ITPR1: variants seen among roughly 807,000 people sequenced by gnomAD.
ITPR1 encodes the protein inositol 1,4,5-trisphosphate-gated calcium channel ITPR1.
In ITPR1, 96 loss-of-function variants were observed where a neutral mutation model predicts 318.4. That is an observed-to-expected ratio of 0.30 (90% CI 0.26 to 0.36). The LOEUF is 0.36. ITPR1 is among the 10% of genes least tolerant of loss of function. The pLI, the probability that ITPR1 is intolerant of heterozygous loss-of-function variation, is 1.00. For synonymous variants in ITPR1, 1,312 were observed against 1,289.9 expected, an observed-to-expected ratio of 1.02 and a Z score of -0.37; for missense variants, 2,440 against 3,460.2, an observed-to-expected ratio of 0.71 and a Z score of 7.40.
At chr3:4,602,503 G>A (rs1161341321) in intron 4 of ITPR1, among the ~76,000 whole-genome samples, 1 of 142,018 alleles carries the variant, frequency 7.0e-6, no homozygotes, top group African/African-American at 2.7e-5. Context: ...ACTCTAGCCT[G>A]GGTAATGGGA....
At chr3:4,755,610 T>C (rs989690163) in intron 44 of ITPR1, among the ~76,000 whole-genome samples, 1 of 152,114 alleles carries the variant, frequency 6.6e-6, no homozygotes, top group Non-Finnish European at 1.5e-5. Flanking sequence ...TTGAAAATCA[T>C]CATGAAGATC....
At chr3:4,639,669 A>T (rs1236105045) in intron 6 of ITPR1, among the ~76,000 whole-genome samples, 199 bp downstream of exon 6, 1 of 152,180 alleles carries the variant, frequency 6.6e-6, no homozygotes, top group Non-Finnish European at 1.5e-5. Context: ...TCTCAGCGTG[A>T]GCATCTACTT....
At chr3:4,650,646 C>CGTGTGTGT (rs1559613608) in intron 10 of ITPR1, among the ~76,000 whole-genome samples, 1 of 135,322 alleles carries the variant, frequency 7.4e-6, no homozygotes, top group Non-Finnish European at 1.5e-5. Context: ...TGTGTGTGTG[C>CGTGTGTGT]GCGCGTCTGT....
intron 3 of ITPR1, 37 bp downstream of exon 3, chr3:4,516,620 TTAAGACATCA>T (rs1340627891): frequency 8.0e-6 from 10 of 1,251,364 alleles, no homozygotes; most frequent in Non-Finnish European, 1.2e-5. Context: ...CACGGTTTGT[TTAAGACATCA>T]TAACATCAGC....
intron 61 of ITPR1, among the ~76,000 whole-genome samples, chr3:4,842,184 T>C (rs757000202): frequency 6.6e-6 from 1 of 152,262 alleles, no homozygotes; most frequent in Non-Finnish European, 1.5e-5. Flanking sequence ...TGAACAGTCT[T>C]TCAGATGTCT....
At chr3:4,583,671 G>A (rs2089588069) in intron 4 of ITPR1, among the ~76,000 whole-genome samples, 1 of 152,168 alleles carries the variant, frequency 6.6e-6, no homozygotes, top group African/African-American at 2.4e-5. Flanking sequence ...AAGCTGCGGG[G>A]TTCGTTATTC....
At chr3:4,756,941 CAA>C (rs1214076912) in intron 44 of ITPR1, among the ~76,000 whole-genome samples, 1 of 152,242 alleles carries the variant, frequency 6.6e-6, no homozygotes, top group Non-Finnish European at 1.5e-5. Context: ...TGGTAGTAAT[CAA>C]AGTGTTTTTC....
chr3:4,818,808 C>T (rs1016231518), intron 60 of ITPR1, among the ~76,000 whole-genome samples: 4 of 152,114 alleles, frequency 2.6e-5, no homozygotes, highest in South Asian at 4.1e-4. Flanking sequence ...TCCCAGGAAG[C>T]GGGGAAGCTG....
intron 5 of ITPR1, among the ~76,000 whole-genome samples, chr3:4,634,777 T>G (rs1024194269): frequency 5.9e-5 from 9 of 152,230 alleles, no homozygotes; most frequent in Non-Finnish European, 1.3e-4. Flanking sequence ...CCTTTCTTGT[T>G]GCCCAGGCTG....
intron 4 of ITPR1, among the ~76,000 whole-genome samples, chr3:4,624,059 T>C (rs896972820): frequency 6.6e-6 from 1 of 152,220 alleles, no homozygotes; most frequent in African/African-American, 2.4e-5. Context: ...CTGTGAACAG[T>C]TGTAAAATGC....
chr3:4,812,946 T>G (rs777287970), intron 56 of ITPR1, 196 bp from the exon 57 acceptor site: 1 of 595,252 alleles, frequency 1.7e-6, no homozygotes, highest in Non-Finnish European at 3.0e-6. Flanking sequence ...CCTACAGGAA[T>G]TGACATTTTT....
chr3:4,682,735 A>G (rs1043806654), intron 26 of ITPR1, among the ~76,000 whole-genome samples: 2 of 152,202 alleles, frequency 1.3e-5, no homozygotes, highest in African/African-American at 2.4e-5. Flanking sequence ...TACAGTATTT[A>G]TAAGTCTTCT....
chr3:4,700,024 T>C, intron 35 of ITPR1, 83 bp downstream of exon 35: 3 of 1,277,880 alleles, frequency 2.3e-6, no homozygotes, highest in Non-Finnish European at 3.4e-6. Flanking sequence ...AGTAAGCAAT[T>C]GTAAATGAAC....
At chr3:4,524,968 G>T (rs2082864042) in intron 4 of ITPR1, among the ~76,000 whole-genome samples, 1 of 152,200 alleles carries the variant, frequency 6.6e-6, no homozygotes, top group African/African-American at 2.4e-5. Context: ...GGGGGAGTCT[G>T]ACCCTTAGTT....
chr3:4,662,384 G>T, intron 15 of ITPR1, 142 bp downstream of exon 15: 1 of 615,704 alleles, frequency 1.6e-6, no homozygotes, highest in East Asian at 3.2e-5. Context: ...GCTTCAATGT[G>T]TAACTTTTAA....
At chr3:4,604,565 C>T (rs1015670743) in intron 4 of ITPR1, among the ~76,000 whole-genome samples, 1 of 152,092 alleles carries the variant, frequency 6.6e-6, no homozygotes, top group Admixed American at 6.5e-5. Context: ...TGTAAAGGAG[C>T]ATTTCAGCTA....
At chr3:4,566,964 T>A (rs1444616120) in intron 4 of ITPR1, among the ~76,000 whole-genome samples, 1 of 152,250 alleles carries the variant, frequency 6.6e-6, no homozygotes, top group South Asian at 2.1e-4. Flanking sequence ...TGAGAGGTAA[T>A]GCAATGTAGG....
intron 35 of ITPR1, among the ~76,000 whole-genome samples, chr3:4,702,408 G>A (rs996032967): frequency 6.6e-6 from 1 of 152,162 alleles, no homozygotes; most frequent in Non-Finnish European, 1.5e-5. Flanking sequence ...ATGTCTGGAA[G>A]GAACTTTGGG....
chr3:4,720,938 C>A (rs955064237), intron 40 of ITPR1, among the ~76,000 whole-genome samples: 2 of 151,930 alleles, frequency 1.3e-5, no homozygotes, highest in South Asian at 2.1e-4. Flanking sequence ...GTTCAGGCAG[C>A]AGTTACATAA....
Sources: gnomAD v4.1 joint callset for allele counts (sites outside exome capture counted in the v4.1 genomes callset) on GRCh38, gnomAD v4.1.1 for gene constraint, MANE v1.5 for transcripts, NCBI Gene and HGNC (gene_info 2026-07-23, HGNC 2026-07-21) for gene names.